CEP135: variants seen among roughly 807,000 people sequenced by gnomAD.
CEP135 encodes centrosomal protein 135, also known as centrosomal protein of 135 kDa.
In CEP135, 142 loss-of-function variants were observed where a neutral mutation model predicts 157.3. That is an observed-to-expected ratio of 0.90 (90% CI 0.79 to 1.04). CEP135 has a LOEUF of 1.04. Ranked by LOEUF, CEP135 falls within the 50% of genes least tolerant of loss-of-function variation. The pLI is 0.00. For missense variants in CEP135, 1,317 were observed against 1,309.2 expected (o/e 1.01, Z -0.09); for synonymous variants, 396 against 439.8 (o/e 0.90, Z 1.25).
At position 55,999,515 on chromosome 4, in the gene CEP135, C is replaced by G; in HGVS notation, c.2150C>G (p.Ser717Ter). Reference protein sequence around the residue: ...KIDELNLKMTSQDEEAHVMKK... With the variant: ...KIDELNLKMT ...GATGAACTAAACCTTAAGATGACTT[C>G]ACAGGATGAGGAGGCTCATGTAATG... Residue 717 changes from serine to a stop codon, truncating the protein, a stop_gained, in exon 17 of 26, where the codon TCA becomes TGA. Transcript: ENST00000257287. LOFTEE classifies it high-confidence loss of function. The G allele has an allele frequency of 6.2e-7, 1 of 1,611,346 alleles. No homozygotes were observed.
At chr4:56,017,390 T>A (rs1399843298) in intron 21 of CEP135, among the ~76,000 whole-genome samples, 3 of 152,114 alleles carry the variant, frequency 2.0e-5, no homozygotes, top group Non-Finnish European at 4.4e-5. Flanking sequence ...ATACAATAAC[T>A]TTCTTTTTTA....
rs548933513 is a variant in CEP135 at position 56,014,930 on chromosome 4, C to T, written c.2803-2718C>T. 6.2e-4 allele frequency among the ~76,000 whole-genome samples: 95 copies of T among 152,114 alleles called. No individual in the cohort carries two copies. The Middle Eastern group carries it at 0.024, about 38-fold the overall frequency. ...AAATAATTAGCCAAACATGGTGGCA[C>T]GTGGCTGTAGTCCCAGCTACTTGGG... is the stretch of plus-strand genomic sequence containing the variant. On this transcript the variant is annotated intron_variant, in intron 21 of 25. Transcript: ENST00000257287.
intron 12 of CEP135, 83 bp downstream of exon 12, chr4:55,980,378 C>T (rs907553342): frequency 5.0e-6 from 4 of 805,080 alleles, no homozygotes; most frequent in South Asian, 2.3e-5. Context: ...TTTCACATTA[C>T]TATAATATAT....
At chr4:56,024,654 G>T in intron 25 of CEP135, 40 bp downstream of exon 25, 1 of 1,357,830 alleles carries the variant, frequency 7.4e-7, no homozygotes, top group Non-Finnish European at 1.1e-6. Flanking sequence ...ACTAATCTGT[G>T]GTTGTAAAAA....
At chr4:55,992,217 C>G in intron 15 of CEP135, 132 bp downstream of exon 15, 2 of 717,066 alleles carry the variant, frequency 2.8e-6, no homozygotes, top group Admixed American at 3.9e-5. Context: ...GTAGACTCAC[C>G]TGGGAGCTTT....
chr4:55,972,572 ATC>A (rs1207383244), intron 10 of CEP135, among the ~76,000 whole-genome samples: 1 of 152,160 alleles, frequency 6.6e-6, no homozygotes, highest in Non-Finnish European at 1.5e-5. Context: ...CATGTGGATA[ATC>A]TGTTTGAACT....
chr4:56,014,636 C>T (rs1730709213), intron 21 of CEP135, among the ~76,000 whole-genome samples: 1 of 152,086 alleles, frequency 6.6e-6, no homozygotes, highest in African/African-American at 2.4e-5. Flanking sequence ...GATTTCCAAG[C>T]AAAGTGCGGA....
intron 1 of CEP135, among the ~76,000 whole-genome samples, chr4:55,950,557 G>A (rs1311528281): frequency 6.6e-6 from 1 of 151,868 alleles, no homozygotes; most frequent in Non-Finnish European, 1.5e-5. Context: ...GGTAGAGGTG[G>A]GAGAATACCT....
intron 15 of CEP135, among the ~76,000 whole-genome samples, chr4:55,994,878 G>T (rs550947480): frequency 6.6e-6 from 1 of 151,896 alleles, no homozygotes; most frequent in African/African-American, 2.4e-5. Context: ...TAGAGAAGGG[G>T]TTTCACCATG....
chr4:56,024,699 G>T lies in CEP135; in HGVS notation c.*11+85G>T, dbSNP rs948285447. The T allele has an allele frequency of 1.3e-5, 12 of 920,540 alleles. No individual in the cohort carries two copies. In the Admixed American group the frequency reaches 2.2e-4, roughly 17 times the overall value. The allele number at this position is 920,540 out of a possible 1,614,324, so 57.0% of individuals were successfully genotyped here. A position where few individuals can be genotyped will look rare whatever the true frequency, so the allele number is the denominator to read the frequency against. On this transcript the variant is annotated intron_variant, in intron 25 of 25. Transcript: ENST00000257287. ...TAGTTTTCTGCATCAGGAAAGGGGA[G>T]ATTGCCTGGTAAGGCGTTCAGGAGA...
chr4:55,981,495 G>A (rs1449219174), intron 13 of CEP135, 116 bp downstream of exon 13: 11 of 743,606 alleles, frequency 1.5e-5, no homozygotes, highest in Non-Finnish European at 1.9e-5. Flanking sequence ...TTTATGTATG[G>A]CCTGTGAGCT....
At chr4:55,976,108 G>A (rs1729204768) in intron 11 of CEP135, among the ~76,000 whole-genome samples, 1 of 151,890 alleles carries the variant, frequency 6.6e-6, no homozygotes, top group South Asian at 2.1e-4. Context: ...TAAAAAATTA[G>A]CTGAGCATAG....
At position 56,024,591 on chromosome 4, in the gene CEP135, T is replaced by G; in HGVS notation, c.3411T>G (p.His1137Gln). Residue 1137 changes from histidine to glutamine, a missense_variant, in exon 25 of 26, where the codon CAT (histidine) becomes CAG (glutamine). Coordinates refer to ENST00000257287, the MANE Select transcript of CEP135 (RefSeq NM_025009.5). ...TLRSPSHSPE[H>Q]RNV Reference sequence around the variant, plus strand: ...GGTCTCCTTCACATTCTCCTGAACATAGAAATGTGTAATTATCAGAAAGGT... The same window carrying G: ...GGTCTCCTTCACATTCTCCTGAACAGAGAAATGTGTAATTATCAGAAAGGT... 1 of 1,608,620 alleles carries G rather than the reference T, an allele frequency of 6.2e-7. No homozygotes were observed. The highest frequency in any genetic ancestry group is 8.5e-7 in the Non-Finnish European group (1 of 1,175,178).
intron 24 of CEP135, among the ~76,000 whole-genome samples, chr4:56,020,991 C>T (rs992478533): frequency 2.6e-5 from 4 of 152,036 alleles, no homozygotes; most frequent in African/African-American, 7.2e-5. Context: ...TATTACATAG[C>T]GGATGCTATA....
At chr4:56,024,441 C>T in intron 24 of CEP135, 60 bp from the exon 25 acceptor site, 4 of 1,199,872 alleles carry the variant, frequency 3.3e-6, no homozygotes, top group Admixed American at 1.8e-5. Context: ...TATTTGTTTG[C>T]CACTTTTTGA....
At chr4:56,010,452 A>T (rs1730543219) in intron 19 of CEP135, among the ~76,000 whole-genome samples, 1 of 151,930 alleles carries the variant, frequency 6.6e-6, no homozygotes, top group African/African-American at 2.4e-5. Flanking sequence ...CAGGGTGTCT[A>T]ATGGGTGCAA....
rs939601166 is a variant in CEP135, at chr4:55,952,398, C to G, written c.113+155C>G. Reference sequence around the variant, plus strand: ...TTTTTTCCCTGTCCTCAATCCAGGCCTTCCACACGGCAGAACTCTAAAGGC... The same window carrying G: ...TTTTTTCCCTGTCCTCAATCCAGGCGTTCCACACGGCAGAACTCTAAAGGC... On this transcript the variant is annotated intron_variant, in intron 2 of 25. Coordinates refer to ENST00000257287, the MANE Select transcript of CEP135 (RefSeq NM_025009.5). The G allele has an allele frequency of 5.3e-6, 3 of 567,934 alleles. No homozygotes were observed. The South Asian group carries it at 7.3e-5, about 14-fold the overall frequency. 35.2% of individuals were successfully genotyped at this position (567,934 alleles called of 1,614,324 possible). A position where few individuals can be genotyped will look rare whatever the true frequency, so the allele number is the denominator to read the frequency against.
Position 56,009,904 on chromosome 4 carries a change from G to C in CEP135, c.2505+1G>C. 6.2e-7 allele frequency: 1 copy of C among 1,612,008 alleles called. No homozygotes were observed. The highest frequency in any genetic ancestry group is 8.5e-7 in the Non-Finnish European group (1 of 1,179,476). On this transcript the variant is annotated splice_donor_variant, in intron 19 of 25. Transcript: ENST00000257287. LOFTEE classifies it high-confidence loss of function. Reference sequence around the variant, plus strand: ...GGCTACAATGGCAAGAGAAAATCAAGTATGAACACAAGGCATAAATTTTGA... The same window carrying C: ...GGCTACAATGGCAAGAGAAAATCAACTATGAACACAAGGCATAAATTTTGA...
In CEP135 at chr4:56,011,797, C is replaced by A. The variant is rs377744366; in HGVS notation, c.2617-3C>A. 3 of 1,564,746 alleles carry A rather than the reference C, an allele frequency of 1.9e-6. No individual in the cohort carries two copies. Among genetic ancestry groups the A allele is most frequent in the Middle Eastern group, 3.4e-4 (2 of 5,816 alleles). ...AGAAACAATTTTATTGTGATTAAAC[C>A]AGGAAAAAGAAAATCAAGATTTGTT... On this transcript the variant is annotated splice_polypyrimidine_tract_variant and splice_region_variant and intron_variant, in intron 20 of 25. Transcript: ENST00000257287.
Sources: gnomAD v4.1 joint callset for allele counts (sites outside exome capture counted in the v4.1 genomes callset) on GRCh38, gnomAD v4.1.1 for gene constraint, MANE v1.5 for transcripts, NCBI Gene and HGNC (gene_info 2026-07-23, HGNC 2026-07-21) for gene names.